Variants in ARRB2 observed in about 807,000 individuals in gnomAD.
ARRB2 encodes the protein beta-arrestin-2.
In ARRB2, 21 loss-of-function variants were observed where a neutral mutation model predicts 53.4. The observed-to-expected ratio is 0.39, with a 90% CI of 0.28 to 0.57. The LOEUF is 0.57. Ranked by LOEUF, ARRB2 falls within the 20% of genes least tolerant of loss-of-function variation. The pLI is 0.55. For synonymous variants in ARRB2, 180 were observed against 212.9 expected (o/e 0.85, Z 1.34); for missense variants, 369 against 527.5 (o/e 0.70, Z 2.94).
rs1277592733 is a variant in ARRB2, at chr17:4,717,258, C to T, written c.399C>T (p.Gly133=). 2 of 1,614,126 alleles carry T rather than the reference C, an allele frequency of 1.2e-6. No individual in the cohort carries two copies. Among genetic ancestry groups the T allele is most frequent in the Non-Finnish European group, 1.7e-6 (2 of 1,179,994 alleles). Reference sequence around the variant, plus strand: ...CATGCTCCGTCACACTGCAGCCAGGCCCAGAGGATACAGGAAAGGTACGGG... The same window carrying T: ...CATGCTCCGTCACACTGCAGCCAGGTCCAGAGGATACAGGAAAGGTACGGG... ...NLPCSVTLQP[G]PEDTGKACGV... is the part of the protein sequence containing the mutation. The change falls in exon 6 of 15, where the codon GGC becomes GGT. Residue 133 remains glycine, a synonymous_variant. Coordinates refer to ENST00000269260, the MANE Select transcript of ARRB2 (RefSeq NM_004313.4). The surrounding 1 kb of genome is among the most constrained non-coding windows in gnomAD (Gnocchi z 6.0).
Position 4,717,193 on chromosome 17 carries a change from A to C in ARRB2, c.358-24A>C. 6.2e-7 allele frequency: 1 copy of C among 1,611,730 alleles called. No individual in the cohort carries two copies. ...TCTGGGGGCTTTCTGGAAGAACTGAAGTCTTCTCCTTCCTCCGCCACAGAT... is the reference window on the plus strand; with the variant it reads ...TCTGGGGGCTTTCTGGAAGAACTGACGTCTTCTCCTTCCTCCGCCACAGAT... On this transcript the variant is annotated intron_variant, in intron 5 of 14. Coordinates refer to ENST00000269260, the MANE Select transcript of ARRB2 (RefSeq NM_004313.4). The surrounding 1 kb of genome is among the most constrained non-coding windows in gnomAD (Gnocchi z 6.0).
chr17:4,717,840 G>T lies in ARRB2; in HGVS notation c.486-48G>T. 1 of 1,613,272 alleles carries T rather than the reference G, an allele frequency of 6.2e-7. No individual in the cohort carries two copies. The highest frequency in any genetic ancestry group is 1.1e-5 in the South Asian group (1 of 91,074). ...AGGCCCCGTGCGGGGGAGGAGTAGG[G>T]TTGGGGTGTGTGAGGAATGACCCCT... is the stretch of plus-strand genomic sequence containing the variant. On this transcript the variant is annotated intron_variant, in intron 7 of 14. Coordinates refer to ENST00000269260, the MANE Select transcript of ARRB2 (RefSeq NM_004313.4). This position sits in a 1 kb window ranked among gnomAD's most constrained non-coding sequence, Gnocchi z 6.0.
rs1597480030 is a variant in ARRB2 at position 4,716,274 on chromosome 17, G to A, written c.160+83G>A. 23 of 1,608,832 alleles carry A rather than the reference G, an allele frequency of 1.4e-5. No homozygotes were observed. The East Asian group carries it at 4.9e-4, about 34-fold the overall frequency. On this transcript the variant is annotated intron_variant, in intron 4 of 14. Transcript: ENST00000269260. ...GCTGGCCTTGGAAGGGCGCCCCAGA[G>A]AGATGGAGGCTGGAGGTGGAAGCCA...
At chr17:4,716,348 T>C in intron 4 of ARRB2, 64 bp from the exon 5 acceptor site, 1 of 1,613,244 alleles carries the variant, frequency 6.2e-7, no homozygotes, top group Admixed American at 1.7e-5. Flanking sequence ...GAGCAGCGGC[T>C]GCTAGGTGCC....
intron 2 of ARRB2, chr17:4,715,486 G>GACACACACACACAGAC (rs751919519): frequency 2.2e-5 from 3 of 133,572 alleles, no homozygotes; most frequent in Admixed American, 1.0e-4. Flanking sequence ...CACACACACA[G>GACACACACACACAGAC]ACACACACAC....
At position 4,721,427 on chromosome 17, in the gene ARRB2, G is replaced by A. The variant is rs182100173; in HGVS notation, c.*388G>A. ...CTCTCTGCCCCCATTCCTTCAAGAGGAGACCCTTTGGGGACAAGGCCGTTT... is the reference window on the plus strand; with the variant it reads ...CTCTCTGCCCCCATTCCTTCAAGAGAAGACCCTTTGGGGACAAGGCCGTTT... On this transcript the variant is annotated 3_prime_UTR_variant, in exon 15 of 15. Coordinates refer to ENST00000269260, the MANE Select transcript of ARRB2 (RefSeq NM_004313.4). The surrounding 1 kb of genome is among the most constrained non-coding windows in gnomAD (Gnocchi z 4.2). 1.1e-4 allele frequency: 44 copies of A among 410,664 alleles called. No individual in the cohort carries two copies. The highest frequency in any genetic ancestry group is 6.7e-4 in the African/African-American group (33 of 48,932). The allele number at this position is 410,664 out of a possible 1,614,324, so 25.4% of individuals were successfully genotyped here.
Position 4,721,412 on chromosome 17 carries a change from C to G in ARRB2, c.*373C>G, listed in dbSNP as rs1423514823. 2.4e-6 allele frequency: 1 copy of G among 419,974 alleles called. No homozygotes were observed. The highest frequency in any genetic ancestry group is 4.2e-6 in the Non-Finnish European group (1 of 238,878). The allele number at this position is 419,974 out of a possible 1,614,324, so 26.0% of individuals were successfully genotyped here. On this transcript the variant is annotated 3_prime_UTR_variant, in exon 15 of 15. Transcript: ENST00000269260. This position sits in a 1 kb window ranked among gnomAD's most constrained non-coding sequence, Gnocchi z 4.2. ...CCTCCCATTATCACTCTCTCTGCCC[C>G]CATTCCTTCAAGAGGAGACCCTTTG... is the stretch of plus-strand genomic sequence containing the variant.
Position 4,717,376 on chromosome 17 carries a change from G to C in ARRB2, c.417+100G>C, listed in dbSNP as rs1915181639. The C allele has an allele frequency of 1.6e-5, 24 of 1,456,442 alleles. No individual in the cohort carries two copies. Among genetic ancestry groups the C allele is most frequent in the Non-Finnish European group, 2.3e-5 (24 of 1,038,786 alleles). 90.2% of individuals were successfully genotyped at this position (1,456,442 alleles called of 1,614,324 possible). On this transcript the variant is annotated intron_variant, in intron 6 of 14. Coordinates refer to ENST00000269260, the MANE Select transcript of ARRB2 (RefSeq NM_004313.4). This position sits in a 1 kb window ranked among gnomAD's most constrained non-coding sequence, Gnocchi z 6.0. ...AGAGGGTGAACTGTCGAGATGCCAG[G>C]GTGGGGCCGAGGGTAGGCCAGTGTC...
At chr17:4,718,438 C>G (rs997528480) in intron 9 of ARRB2, 93 bp downstream of exon 9, 8 of 1,413,534 alleles carry the variant, frequency 5.7e-6, no homozygotes, top group Non-Finnish European at 6.9e-6. Flanking sequence ...TTTCCCAGTG[C>G]GGGAGACCCA....
intron 2 of ARRB2, chr17:4,715,674 C>T: frequency 2.2e-6 from 1 of 451,690 alleles, no homozygotes; most frequent in Non-Finnish European, 4.0e-6. Flanking sequence ...TTCACACACA[C>T]ACCTGACTGG....
At chr17:4,718,750 TG>T in intron 10 of ARRB2, 66 bp downstream of exon 10, 1 of 1,410,834 alleles carries the variant, frequency 7.1e-7, no homozygotes, top group Non-Finnish European at 9.7e-7. Context: ...GAATGTGAGG[TG>T]GAGGAAGAAT....
chr17:4,715,684 G>A, intron 2 of ARRB2: 2 of 333,874 alleles, frequency 6.0e-6, no homozygotes, highest in South Asian at 3.0e-5. Flanking sequence ...CACCTGACTG[G>A]TTGGCTGAGG....
intron 12 of ARRB2, 34 bp from the exon 13 acceptor site, chr17:4,720,359 T>C: frequency 6.2e-7 from 1 of 1,613,738 alleles, no homozygotes; most frequent in Non-Finnish European, 8.5e-7. Flanking sequence ...TCCCATGTCG[T>C]CGTCCTCTTC....
rs908172712 is a variant in ARRB2 at position 4,719,146 on chromosome 17, C to T, written c.780-137C>T. The T allele has an allele frequency of 4.7e-6, 5 of 1,071,990 alleles. No individual in the cohort carries two copies. The Admixed American group carries it at 8.7e-5, about 19-fold the overall frequency. 66.4% of individuals were successfully genotyped at this position (1,071,990 alleles called of 1,614,324 possible). A position where few individuals can be genotyped will look rare whatever the true frequency, so the allele number is the denominator to read the frequency against. Reference sequence around the variant, plus strand: ...TGTTAATTTTCTTGAGCACGTTGAGCCAAAACCTACTCCCTTGTGACCTGT... The same window carrying T: ...TGTTAATTTTCTTGAGCACGTTGAGTCAAAACCTACTCCCTTGTGACCTGT... On this transcript the variant is annotated intron_variant, in intron 10 of 14. Coordinates refer to ENST00000269260, the MANE Select transcript of ARRB2 (RefSeq NM_004313.4).
rs1597479076 is a variant in ARRB2, at chr17:4,715,795, C to T, written c.55-178C>T. On this transcript the variant is annotated intron_variant, in intron 2 of 14. Coordinates refer to ENST00000269260, the MANE Select transcript of ARRB2 (RefSeq NM_004313.4). ...AGGAGCAGCTCAAAAGCCTAAAGGT[C>T]CACTAGTCTGAGAAACGCCACCACC... 7.5e-6 allele frequency: 5 copies of T among 663,082 alleles called. No individual in the cohort carries two copies. The African/African-American group carries it at 9.1e-5, about 12-fold the overall frequency. 41.1% of individuals were successfully genotyped at this position (663,082 alleles called of 1,614,324 possible).
intron 2 of ARRB2, chr17:4,715,588 GAC>G (rs1567681450): frequency 4.0e-6 from 1 of 248,250 alleles, no homozygotes; most frequent in Non-Finnish European, 7.4e-6. Flanking sequence ...CACACACACG[GAC>G]ACACACAAAC....
chr17:4,718,530 G>C (rs1164823960), intron 9 of ARRB2, 82 bp from the exon 10 acceptor site: 5 of 1,432,852 alleles, frequency 3.5e-6, no homozygotes, highest in Admixed American at 1.8e-5. Flanking sequence ...GCATGGGGGG[G>C]CCACGCCACG....
rs759239609 is a variant in ARRB2, at chr17:4,717,660, T to C, written c.418-25T>C. 1.9e-6 allele frequency: 3 copies of C among 1,613,938 alleles called. No individual in the cohort carries two copies. In the Admixed American group the frequency reaches 5.0e-5, roughly 27 times the overall value. On this transcript the variant is annotated intron_variant, in intron 6 of 14. Transcript: ENST00000269260. The surrounding 1 kb of genome is among the most constrained non-coding windows in gnomAD (Gnocchi z 6.0). ...ATGGTGGCGGGAGCCTCCGGTAAGA[T>C]GTGGCCTTTTCTCCCCTCCCCGAGG...
Position 4,717,653 on chromosome 17 carries a change from G to A in ARRB2, c.418-32G>A, listed in dbSNP as rs553305263. On this transcript the variant is annotated intron_variant, in intron 6 of 14. Transcript: ENST00000269260. This position sits in a 1 kb window ranked among gnomAD's most constrained non-coding sequence, Gnocchi z 6.0. ...GGCAGTGATGGTGGCGGGAGCCTCC[G>A]GTAAGATGTGGCCTTTTCTCCCCTC... is the stretch of plus-strand genomic sequence containing the variant. The A allele has an allele frequency of 1.4e-4, 224 of 1,613,758 alleles. No homozygotes were observed. The highest frequency in any genetic ancestry group is 6.4e-4 in the African/African-American group (48 of 75,030).
Sources: allele counts gnomAD v4.1 joint callset, GRCh38; gene constraint gnomAD v4.1.1; non-coding constraint Gnocchi (gnomAD v3.1); transcripts MANE v1.5; gene names NCBI Gene and HGNC (gene_info 2026-07-23, HGNC 2026-07-21).